The following RGS21 variants were observed in gnomAD, a reference collection of about 807,000 sequenced individuals.
The protein encoded by RGS21 is regulator of G-protein signalling 21.
A neutral mutation model predicts 18.7 loss-of-function variants in RGS21; 19 were observed. The observed-to-expected ratio is 1.01, with a 90% CI of 0.71 to 1.49. The LOEUF (loss-of-function observed/expected upper bound fraction) is 1.49. RGS21 is among the 40% of genes most tolerant of loss of function. The pLI, the probability that RGS21 is intolerant of heterozygous loss-of-function variation, is 0.00. For synonymous variants in RGS21, 56 were observed against 57.8 expected (o/e 0.97, Z 0.14); for missense variants, 194 against 176.8 (o/e 1.10, Z -0.55).
At chr1:192,332,802 T>A (rs1394965316) in intron 1 of RGS21, among the ~76,000 whole-genome samples, 1 of 152,136 alleles carries the variant, frequency 6.6e-6, no homozygotes, top group Non-Finnish European at 1.5e-5. Flanking sequence ...TAGTCCTAGC[T>A]ACTCCGGCGG....
chr1:192,332,395 C>T (rs895005281), intron 1 of RGS21, among the ~76,000 whole-genome samples: 3 of 152,154 alleles, frequency 2.0e-5, no homozygotes, highest in Non-Finnish European at 2.9e-5. Flanking sequence ...GCCAAACTGT[C>T]AATTGAATAT....
chr1:192,326,438 A>G (rs1244975270), intron 1 of RGS21, among the ~76,000 whole-genome samples: 2 of 152,138 alleles, frequency 1.3e-5, no homozygotes, highest in African/African-American at 4.8e-5. Context: ...AATATGGTTA[A>G]TAATATTTAC....
At chr1:192,340,668 A>G (rs912149938) in intron 1 of RGS21, among the ~76,000 whole-genome samples, 7 of 152,116 alleles carry the variant, frequency 4.6e-5, no homozygotes, top group African/African-American at 1.7e-4. Flanking sequence ...TTATAAAGAC[A>G]TACCTGAGAC....
At chr1:192,335,307 T>A (rs1354989971) in intron 1 of RGS21, among the ~76,000 whole-genome samples, 1 of 152,154 alleles carries the variant, frequency 6.6e-6, no homozygotes, top group Admixed American at 6.5e-5. Flanking sequence ...ATAATGAGGA[T>A]CTTAGAATTT....
At chr1:192,336,932 A>T (rs1368303349) in intron 1 of RGS21, among the ~76,000 whole-genome samples, 1 of 152,184 alleles carries the variant, frequency 6.6e-6, no homozygotes, top group Non-Finnish European at 1.5e-5. Context: ...TATTCAGAAT[A>T]GTTTATAAAT....
intron 3 of RGS21, among the ~76,000 whole-genome samples, chr1:192,351,430 C>T (rs558073755): frequency 6.6e-6 from 1 of 151,940 alleles, no homozygotes; most frequent in South Asian, 2.1e-4. Context: ...TTTGTTTCTG[C>T]ACCAACTTAT....
intron 4 of RGS21, among the ~76,000 whole-genome samples, chr1:192,361,864 T>C (rs184987015): frequency 1.1e-3 from 169 of 152,240 alleles, no homozygotes; most frequent in African/African-American, 3.9e-3. Flanking sequence ...TGGAGATTTT[T>C]AAACCAAAAT....
intron 4 of RGS21, among the ~76,000 whole-genome samples, chr1:192,355,488 T>G (rs767161537): frequency 6.6e-6 from 1 of 151,512 alleles, no homozygotes; most frequent in Non-Finnish European, 1.5e-5. Flanking sequence ...TAAAAACAGT[T>G]GCTCATTGAG....
In RGS21 at chr1:192,367,069, T is replaced by G. The variant is rs114184857; in HGVS notation, c.*945T>G. On this transcript the variant is annotated 3_prime_UTR_variant, in exon 5 of 5. Transcript: ENST00000417209. ...AAATACGAATAATTTCATTTCAATA[T>G]GAGAAGCTGTAAAGATTCAACAGAT... 326 of 152,218 alleles carry G rather than the reference T, an allele frequency of 2.1e-3. No individual in the cohort carries two copies. The highest frequency in any genetic ancestry group is 7.4e-3 in the African/African-American group (309 of 41,576). 9.4% of individuals were successfully genotyped at this position (152,218 alleles called of 1,614,324 possible).
intron 1 of RGS21, among the ~76,000 whole-genome samples, chr1:192,317,493 AG>A (rs944450922): frequency 7.0e-6 from 1 of 142,730 alleles, no homozygotes; most frequent in Non-Finnish European, 1.5e-5. Context: ...CTTTTGGAAA[AG>A]CAACTAGAAC....
intron 3 of RGS21, among the ~76,000 whole-genome samples, chr1:192,349,035 G>T (rs964375540): frequency 6.6e-6 from 1 of 152,136 alleles, no homozygotes; most frequent in Non-Finnish European, 1.5e-5. Context: ...ATATTAAAGA[G>T]ATGTGAATAT....
chr1:192,337,696 G>T (rs1487206644), intron 1 of RGS21, among the ~76,000 whole-genome samples: 1 of 152,058 alleles, frequency 6.6e-6, no homozygotes, highest in Non-Finnish European at 1.5e-5. Context: ...TACAGTAAAA[G>T]AAAATTGCAA....
rs1304022210 is a variant in RGS21, at chr1:192,319,238, G to A, written c.-61+2133G>A. Among the ~76,000 whole-genome samples the A allele has an allele frequency of 1.5e-4, 23 of 152,032 alleles. 1 individual carries two copies. The highest frequency in any genetic ancestry group is 1.5e-3 in the Admixed American group (23 of 15,246). ...GCGCTACAGACTGGGTGAGAGAACAGAACCCTTTCTCTAAAAATCCAAAAA... is the reference window on the plus strand; with the variant it reads ...GCGCTACAGACTGGGTGAGAGAACAAAACCCTTTCTCTAAAAATCCAAAAA... On this transcript the variant is annotated intron_variant, in intron 1 of 4. Transcript: ENST00000417209.
intron 3 of RGS21, among the ~76,000 whole-genome samples, chr1:192,347,698 C>G (rs1400365909): frequency 6.6e-6 from 1 of 152,100 alleles, no homozygotes; most frequent in Non-Finnish European, 1.5e-5. Flanking sequence ...CTCTCTCTCT[C>G]TATCAGGCTG....
At chr1:192,341,047 A>G (rs1658851767) in intron 1 of RGS21, among the ~76,000 whole-genome samples, 1 of 152,048 alleles carries the variant, frequency 6.6e-6, no homozygotes, top group Non-Finnish European at 1.5e-5. Flanking sequence ...GCAGGGCTGC[A>G]TGCTTCTGGA....
intron 3 of RGS21, among the ~76,000 whole-genome samples, chr1:192,350,259 A>T (rs1349826180): frequency 6.6e-6 from 1 of 152,172 alleles, no homozygotes; most frequent in African/African-American, 2.4e-5. Flanking sequence ...AAATAACTTT[A>T]AAAAAATCTG....
intron 1 of RGS21, among the ~76,000 whole-genome samples, chr1:192,327,193 G>A (rs1658579351): frequency 1.3e-5 from 2 of 152,014 alleles, no homozygotes; most frequent in Admixed American, 6.6e-5. Context: ...TTAATAAAGA[G>A]GTGGATATGG....
intron 4 of RGS21, among the ~76,000 whole-genome samples, chr1:192,362,113 T>G (rs903516011): frequency 6.6e-6 from 1 of 152,122 alleles, no homozygotes; most frequent in Non-Finnish European, 1.5e-5. Context: ...AAAGTAGAAG[T>G]TGATTTCAAA....
At chr1:192,326,598 A>C (rs780592634) in intron 1 of RGS21, among the ~76,000 whole-genome samples, 12 of 152,174 alleles carry the variant, frequency 7.9e-5, no homozygotes, top group Non-Finnish European at 1.6e-4. Context: ...ATAAAATTCA[A>C]GAAATTGAAT....
Sources: allele counts gnomAD v4.1 joint callset (sites outside exome capture counted in the v4.1 genomes callset), GRCh38; gene constraint gnomAD v4.1.1; transcripts MANE v1.5; gene names NCBI Gene and HGNC (gene_info 2026-07-23, HGNC 2026-07-21).